SHANK2: variants seen among roughly 807,000 people sequenced by gnomAD.
The protein encoded by SHANK2 is SH3 and multiple ankyrin repeat domains protein 2.
SHANK2 carries 43 observed loss-of-function variants against 133.7 expected under a neutral mutation model. That is an observed-to-expected ratio of 0.32 (90% CI 0.25 to 0.41). The LOEUF (loss-of-function observed/expected upper bound fraction) is 0.41. Ranked by LOEUF, SHANK2 falls within the 10% of genes least tolerant of loss-of-function variation. The pLI is 1.00. For missense variants in SHANK2, 1,994 were observed against 2,235.8 expected, an observed-to-expected ratio of 0.89 and a Z score of 2.18; for synonymous variants, 1,017 against 952.8, an observed-to-expected ratio of 1.07 and a Z score of -1.24.
At chr11:71,184,857 T>C (rs1184475842) in intron 2 of SHANK2, among the ~76,000 whole-genome samples, 2 of 152,172 alleles carry the variant, frequency 1.3e-5, no homozygotes, top group Non-Finnish European at 2.9e-5. Flanking sequence ...TGACTGGGCC[T>C]GCACTGCCCA....
At chr11:70,526,495 G>T (rs1315993420) in intron 17 of SHANK2, among the ~76,000 whole-genome samples, 3 of 152,186 alleles carry the variant, frequency 2.0e-5, no homozygotes, top group Non-Finnish European at 4.4e-5. Context: ...AGGTGAACAT[G>T]GGAGGCGTGT....
intron 14 of SHANK2, among the ~76,000 whole-genome samples, chr11:70,746,487 T>C (rs938921471): frequency 1.9e-4 from 27 of 143,120 alleles, no homozygotes; most frequent in African/African-American, 6.7e-4. Flanking sequence ...GGACCTTCCT[T>C]CAGGGCGGGG....
Position 71,135,947 on chromosome 11 carries a change from A to G in SHANK2, c.207+11173T>C, listed in dbSNP as rs192006954. Among the ~76,000 whole-genome samples, 14 of 152,282 alleles carry G rather than the reference A, an allele frequency of 9.2e-5. No individual in the cohort carries two copies. The East Asian group carries it at 2.7e-3, about 29-fold the overall frequency. ...AAAGGTGGGGTGGTGATGAAGGCTG[A>G]GGGAACAACACAGGCTTGCGGGGGT... On this transcript the variant is annotated intron_variant, in intron 3 of 25. Transcript: ENST00000601538.
intron 13 of SHANK2, among the ~76,000 whole-genome samples, chr11:70,801,874 C>T (rs1948054149): frequency 6.6e-6 from 1 of 152,132 alleles, no homozygotes; most frequent in South Asian, 2.1e-4. Flanking sequence ...GAAAAATTGT[C>T]AAGGACCCTG....
intron 2 of SHANK2, among the ~76,000 whole-genome samples, chr11:71,181,177 A>G (rs1303985566): frequency 1.3e-5 from 2 of 151,982 alleles, no homozygotes; most frequent in Non-Finnish European, 2.9e-5. Context: ...CAGGAACGGA[A>G]TTGCAGGTTC....
chr11:71,135,776 C>T (rs182415676), intron 3 of SHANK2, among the ~76,000 whole-genome samples: 73 of 152,176 alleles, frequency 4.8e-4, no homozygotes, highest in African/African-American at 1.7e-3. Flanking sequence ...TGATTTTTAT[C>T]CTCAGACCGG....
intron 17 of SHANK2, among the ~76,000 whole-genome samples, chr11:70,650,761 T>C (rs1555009921): frequency 6.6e-6 from 1 of 152,178 alleles, no homozygotes; most frequent in African/African-American, 2.4e-5. Flanking sequence ...GCCAACACCA[T>C]CTTTCATGAA....
chr11:70,865,368 C>T (rs575253164), intron 11 of SHANK2, among the ~76,000 whole-genome samples: 3 of 152,250 alleles, frequency 2.0e-5, no homozygotes, highest in Admixed American at 2.0e-4. Context: ...TAAATTTAGC[C>T]TCACAAAGAA....
chr11:70,590,544 C>T (rs1256029686), intron 17 of SHANK2, among the ~76,000 whole-genome samples: 1 of 152,122 alleles, frequency 6.6e-6, no homozygotes, highest in African/African-American at 2.4e-5. Context: ...GCCACAGTCA[C>T]CCCAGCCTTC....
At chr11:70,863,630 T>A in intron 11 of SHANK2, 1 of 436,036 alleles carries the variant, frequency 2.3e-6, no homozygotes, top group South Asian at 1.7e-5. Context: ...GTGCCTCCTT[T>A]CAGTCAACAT....
intron 11 of SHANK2, among the ~76,000 whole-genome samples, chr11:70,867,141 G>A (rs1400280655): frequency 1.3e-5 from 2 of 150,978 alleles, no homozygotes; most frequent in Non-Finnish European, 2.9e-5. Context: ...AAAAGAGAGA[G>A]AGAATGAGGT....
Position 71,072,532 on chromosome 11 carries a change from G to A in SHANK2, c.1029+2627C>T, listed in dbSNP as rs1951157289. ...GCTTTTTCACATCAAGGTTCCACTT[G>A]TGGGCATTTTTCCCCGAAAGAAATG... On this transcript the variant is annotated intron_variant, in intron 9 of 25. Coordinates refer to ENST00000601538, the MANE Select transcript of SHANK2 (RefSeq NM_012309.5). 2.6e-5 allele frequency among the ~76,000 whole-genome samples: 4 copies of A among 152,300 alleles called. No homozygotes were observed. In the South Asian group the frequency reaches 8.3e-4, roughly 32 times the overall value.
intron 13 of SHANK2, among the ~76,000 whole-genome samples, chr11:70,800,349 C>T (rs1363196191): frequency 2.6e-5 from 4 of 152,226 alleles, no homozygotes; most frequent in African/African-American, 9.7e-5. Context: ...GACTTTGGTG[C>T]TGGGCCAGGG....
intron 2 of SHANK2, among the ~76,000 whole-genome samples, chr11:71,190,135 G>A (rs1354671689): frequency 2.0e-5 from 3 of 152,216 alleles, no homozygotes; most frequent in African/African-American, 7.2e-5. Flanking sequence ...AAAGAAACCA[G>A]CCAAGCACAG....
rs374976309 is a variant in SHANK2 at position 70,730,497 on chromosome 11, A to G, written c.1778-31734T>C. 4.1e-4 allele frequency among the ~76,000 whole-genome samples: 62 copies of G among 152,084 alleles called. 1 individual carries two copies. Among genetic ancestry groups the G allele is most frequent in the Non-Finnish European group, 7.5e-4 (51 of 67,968 alleles). ...CCCGACTATCCCAGACTCAACCCCA[A>G]TGCCCACCCCTGTAACGCTGAGTGT... On this transcript the variant is annotated intron_variant, in intron 14 of 25. Coordinates refer to ENST00000601538, the MANE Select transcript of SHANK2 (RefSeq NM_012309.5).
intron 2 of SHANK2, among the ~76,000 whole-genome samples, chr11:71,202,728 T>A (rs553271614): frequency 2.0e-5 from 3 of 152,216 alleles, no homozygotes; most frequent in East Asian, 3.9e-4. Context: ...CATGTGGGAT[T>A]CCTGACCAGG....
In SHANK2 at chr11:70,487,799, A is replaced by G. The variant is rs1381176842; in HGVS notation, c.2573-79T>C. The G allele has an allele frequency of 5.8e-6, 9 of 1,548,988 alleles. No homozygotes were observed. The highest frequency in any genetic ancestry group is 7.8e-6 in the Non-Finnish European group (9 of 1,146,816). On this transcript the variant is annotated intron_variant, in intron 24 of 25. Transcript: ENST00000601538. This position sits in a 1 kb window ranked among gnomAD's most constrained non-coding sequence, Gnocchi z 5.8. Reference sequence around the variant, plus strand: ...TTCCTAGGAACGTGCGATACGCTACATCTCCACAAACTCACAAATTCAGAT... The same window carrying G: ...TTCCTAGGAACGTGCGATACGCTACGTCTCCACAAACTCACAAATTCAGAT...
At chr11:71,236,985 G>T (rs1373442446) in intron 1 of SHANK2, among the ~76,000 whole-genome samples, 5 of 152,234 alleles carry the variant, frequency 3.3e-5, no homozygotes, top group Admixed American at 1.3e-4. Context: ...GCGGGCCTGG[G>T]AGGCTGTCAC....
chr11:70,887,036 G>T (rs1346158094), intron 11 of SHANK2, among the ~76,000 whole-genome samples: 1 of 152,078 alleles, frequency 6.6e-6, no homozygotes, highest in Non-Finnish European at 1.5e-5. Flanking sequence ...CCACAAAGCC[G>T]GGCAAAAGCA....
Sources: allele counts gnomAD v4.1 joint callset (sites outside exome capture counted in the v4.1 genomes callset), GRCh38; gene constraint gnomAD v4.1.1; non-coding constraint Gnocchi (gnomAD v3.1); transcripts MANE v1.5; gene names NCBI Gene and HGNC (gene_info 2026-07-23, HGNC 2026-07-21).